The following UBXN1 variants were observed in gnomAD, a reference collection of about 807,000 sequenced individuals.
UBXN1 encodes UBX domain-containing protein 1.
A neutral mutation model predicts 42.0 loss-of-function variants in UBXN1; 21 were observed. The ratio of observed to expected loss-of-function variants is 0.50; its 90% CI spans 0.35 to 0.72. UBXN1 has a LOEUF of 0.72. UBXN1 is among the 30% of genes least tolerant of loss of function. The pLI, the probability that UBXN1 is intolerant of heterozygous loss-of-function variation, is 0.00. For synonymous variants in UBXN1, 172 were observed against 142.6 expected (o/e 1.21, Z -1.47); for missense variants, 374 against 382.2 (o/e 0.98, Z 0.18).
Position 62,676,610 on chromosome 11 carries a change from C to G in UBXN1, c.874G>C (p.Ala292Pro). 6.2e-7 allele frequency: 1 copy of G among 1,611,370 alleles called. No homozygotes were observed. The highest frequency in any genetic ancestry group is 8.5e-7 in the Non-Finnish European group (1 of 1,179,314). ...GGCCCTCAGCTGGGACATTTCTTGG[C>G]CACAATGAGAACAGCAGAAGGCACG... Reference protein sequence around the residue: ...GLVPSAVLIVAKKCPS With the variant: ...GLVPSAVLIVPKKCPS Residue 292 changes from alanine (A) to proline (P), a missense_variant, in exon 9 of 9, where the codon GCC becomes CCC. By Grantham distance (27) the Ala-to-Pro change is conservative. Transcript: ENST00000301935.
Position 62,677,590 on chromosome 11 carries a change from C to A in UBXN1, c.579G>T (p.Glu193Asp). 1 of 1,613,668 alleles carries A rather than the reference C, an allele frequency of 6.2e-7. No homozygotes were observed. Among genetic ancestry groups the A allele is most frequent in the Non-Finnish European group, 8.5e-7 (1 of 1,179,826 alleles). ...TGGGAGAAGAGGGAACAGGACCTGGCTCTGGTGCCACTGGGGGTGGCTGAG... is the reference window on the plus strand; with the variant it reads ...TGGGAGAAGAGGGAACAGGACCTGGATCTGGTGCCACTGGGGGTGGCTGAG... ...VGSQPPPVAP[E>D]PGPVPSSPSQ... The change falls in exon 7 of 9, where the codon GAG becomes GAT. Residue 193 changes from glutamate to aspartate, a missense_variant. Physicochemically the swap from Glu to Asp is conservative, Grantham distance 45 (BLOSUM62 2). Transcript: ENST00000301935.
At position 62,678,388 on chromosome 11, in the gene UBXN1, C is replaced by T; in HGVS notation, c.241G>A (p.Glu81Lys). The change falls in exon 4 of 9, where the codon GAA (glutamate) becomes AAA (lysine). Residue 81 changes from glutamate to lysine, a missense_variant. By Grantham distance (56) the Glu-to-Lys change is moderately conservative. Transcript: ENST00000301935. ...TCTTCACTCAAAGCGGGTTTGCCTT[C>T]TCCGGCAGCAGAACCAGATCCTACA... ...GLEGSGSAAG[E>K]GKPALSEEER... The T allele has an allele frequency of 6.2e-7, 1 of 1,614,152 alleles. No individual in the cohort carries two copies. Among genetic ancestry groups the T allele is most frequent in the Non-Finnish European group, 8.5e-7 (1 of 1,180,032 alleles).
At chr11:62,677,690 G>A in intron 6 of UBXN1, 56 bp from the exon 7 acceptor site, 1 of 1,612,556 alleles carries the variant, frequency 6.2e-7, no homozygotes, top group Non-Finnish European at 8.5e-7. Context: ...AGGTGAAACA[G>A]ATCATATAAG....
In UBXN1 at chr11:62,678,943, C is replaced by A. The variant is rs781195695; in HGVS notation, c.-20G>T. ...CGCCATGGCGCCGACACCGCGGCTT[C>A]CGCGGGGACCTGGTGTGTGACGAGA... On this transcript the variant is annotated 5_prime_UTR_variant, in exon 1 of 9. Transcript: ENST00000301935. The A allele has an allele frequency of 1.0e-4, 159 of 1,567,398 alleles. No individual in the cohort carries two copies. The highest frequency in any genetic ancestry group is 1.4e-4 in the Non-Finnish European group (158 of 1,160,462).
At position 62,679,061 on chromosome 11, in the gene UBXN1, C is replaced by T. The variant is rs1945097942; in HGVS notation, c.-138G>A. 5.3e-6 allele frequency: 5 copies of T among 935,258 alleles called. No individual in the cohort carries two copies. The highest frequency in any genetic ancestry group is 1.7e-5 in the South Asian group (1 of 59,488). 57.9% of individuals were successfully genotyped at this position (935,258 alleles called of 1,614,324 possible). A position where few individuals can be genotyped will look rare whatever the true frequency, so the allele number is the denominator to read the frequency against. On this transcript the variant is annotated 5_prime_UTR_variant, in exon 1 of 9. Transcript: ENST00000301935. ...CACCCGGCTCTATAGCAGCCGGGAA[C>T]ACCGACGAGAAGAAAGCCGAGGGGA...
chr11:62,676,724 AG>A, intron 8 of UBXN1, 85 bp from the exon 9 acceptor site: 1 of 1,614,072 alleles, frequency 6.2e-7, no homozygotes, highest in Non-Finnish European at 8.5e-7. Context: ...ATGTTCACAA[AG>A]CCCCTTCTCT....
intron 7 of UBXN1, 158 bp downstream of exon 7, chr11:62,677,360 T>G (rs926272612): frequency 1.4e-5 from 11 of 779,160 alleles, no homozygotes; most frequent in Admixed American, 4.5e-5. Context: ...AGGTGAAATT[T>G]GATACCTTTC....
chr11:62,677,194 T>A, intron 7 of UBXN1, 189 bp from the exon 8 acceptor site: 1 of 657,106 alleles, frequency 1.5e-6, no homozygotes, highest in Non-Finnish European at 2.6e-6. Context: ...CCCAGCTCCC[T>A]CACAACCTAA....
intron 7 of UBXN1, 48 bp from the exon 8 acceptor site, chr11:62,677,053 G>A (rs776086226): frequency 6.4e-7 from 1 of 1,563,050 alleles, no homozygotes; most frequent in South Asian, 1.1e-5. Flanking sequence ...AAAACTGAAT[G>A]AGGTGCCCAA....
rs1220595587 is a variant in UBXN1, at chr11:62,677,012, G to T, written c.652-7C>A. 7 of 1,605,868 alleles carry T rather than the reference G, an allele frequency of 4.4e-6. No homozygotes were observed. Among genetic ancestry groups the T allele is most frequent in the Non-Finnish European group, 4.2e-6 (5 of 1,178,942 alleles). On this transcript the variant is annotated splice_polypyrimidine_tract_variant and splice_region_variant and intron_variant, in intron 7 of 8. Transcript: ENST00000301935. ...TCCCATCTGGCAGCCTGACCTAAAG[G>T]GCAAGGGAGATACTCAGTATTGTGG...
In UBXN1 at chr11:62,677,762, C is replaced by T. The variant is rs201079442; in HGVS notation, c.534+19G>A. 5 of 1,614,216 alleles carry T rather than the reference C, an allele frequency of 3.1e-6. No individual in the cohort carries two copies. In the South Asian group the frequency reaches 3.3e-5, roughly 11 times the overall value. On this transcript the variant is annotated intron_variant, in intron 6 of 8. Coordinates refer to ENST00000301935, the MANE Select transcript of UBXN1 (RefSeq NM_001286077.2). ...AACCTGCCCACTCCATTACCCGTGG[C>T]GTCTTCTCAGTCACCTACCTTCTTG...
chr11:62,678,840 G>C, intron 1 of UBXN1, 25 bp downstream of exon 1: 1 of 1,608,518 alleles, frequency 6.2e-7, no homozygotes, highest in Non-Finnish European at 8.5e-7. Flanking sequence ...CACACCCGCA[G>C]GCCGGGGTTG....
Position 62,678,972 on chromosome 11 carries a change from A to G in UBXN1, c.-49T>C. On this transcript the variant is annotated 5_prime_UTR_variant, in exon 1 of 9. Coordinates refer to ENST00000301935, the MANE Select transcript of UBXN1 (RefSeq NM_001286077.2). ...GGGGACCTGGTGTGTGACGAGAAGG[A>G]GGGCGGGAAGGGTCAGCGCGAGGCA... is the stretch of plus-strand genomic sequence containing the variant. The G allele has an allele frequency of 1.9e-6, 3 of 1,538,694 alleles. No individual in the cohort carries two copies. Among genetic ancestry groups the G allele is most frequent in the Non-Finnish European group, 2.6e-6 (3 of 1,145,054 alleles).
intron 7 of UBXN1, 46 bp downstream of exon 7, chr11:62,677,472 C>G: frequency 1.3e-6 from 2 of 1,598,650 alleles, no homozygotes; most frequent in Non-Finnish European, 1.7e-6. Flanking sequence ...CACCTTAACA[C>G]GGAACAAAGG....
At chr11:62,677,432 C>G (rs554681130) in intron 7 of UBXN1, 86 bp downstream of exon 7, 1 of 1,301,618 alleles carries the variant, frequency 7.7e-7, no homozygotes, top group South Asian at 1.2e-5. Flanking sequence ...TGGCAAAGGG[C>G]ACGTTAACTG....
In UBXN1 at chr11:62,678,692, G is replaced by A. The variant is rs1265993618; in HGVS notation, c.111C>T (p.Asp37=). ...CGCCACCCGGGACGAGCGCTTACCAGTCCATCGCAGCCTCGATGCCCTGGT... is the reference window on the plus strand; with the variant it reads ...CGCCACCCGGGACGAGCGCTTACCAATCCATCGCAGCCTCGATGCCCTGGT... The part of the protein sequence containing the change: ...TGNQGIEAAM[D]WLMEHEDDPD... Residue 37 remains aspartate (D), a splice_region_variant and synonymous_variant, in exon 2 of 9, where the codon GAC becomes GAT. Coordinates refer to ENST00000301935, the MANE Select transcript of UBXN1 (RefSeq NM_001286077.2). The A allele has an allele frequency of 1.4e-6, 2 of 1,392,146 alleles. No individual in the cohort carries two copies. The highest frequency in any genetic ancestry group is 1.9e-6 in the Non-Finnish European group (2 of 1,041,556). The allele number at this position is 1,392,146 out of a possible 1,614,324, so 86.2% of individuals were successfully genotyped here. A position where few individuals can be genotyped will look rare whatever the true frequency, so the allele number is the denominator to read the frequency against.
In UBXN1 at chr11:62,677,522, A is replaced by G; in HGVS notation, c.647T>C (p.Ile216Thr). The G allele has an allele frequency of 6.2e-7, 1 of 1,614,136 alleles. No individual in the cohort carries two copies. Among genetic ancestry groups the G allele is most frequent in the Non-Finnish European group, 8.5e-7 (1 of 1,179,968 alleles). ...PTKREYDQCR[I>T]QVRLPDGTSL... is the part of the protein sequence containing the mutation. Reference sequence around the variant, plus strand: ...GATAAGAATTAGAATCAGTACCTGTATGCGACACTGGTCATACTCCCGCTT... The same window carrying G: ...GATAAGAATTAGAATCAGTACCTGTGTGCGACACTGGTCATACTCCCGCTT... The change falls in exon 7 of 9, where the codon ATA (isoleucine) becomes ACA (threonine). Residue 216 changes from isoleucine to threonine, a missense_variant. Coordinates refer to ENST00000301935, the MANE Select transcript of UBXN1 (RefSeq NM_001286077.2).
chr11:62,677,784 C>T lies in UBXN1; in HGVS notation c.531G>A (p.Lys177=), dbSNP rs1403312037. The T allele has an allele frequency of 2.5e-6, 4 of 1,614,246 alleles. No homozygotes were observed. The highest frequency in any genetic ancestry group is 3.4e-6 in the Non-Finnish European group (4 of 1,180,046). The change falls in exon 6 of 9, where the codon AAG becomes AAA. Residue 177 remains lysine, a synonymous_variant. Coordinates refer to ENST00000301935, the MANE Select transcript of UBXN1 (RefSeq NM_001286077.2). ...TGGCGTCTTCTCAGTCACCTACCTTCTTGGCTCTCTCTGCTTTGTCCCTCT... is the reference window on the plus strand; with the variant it reads ...TGGCGTCTTCTCAGTCACCTACCTTTTTGGCTCTCTCTGCTTTGTCCCTCT... ...KIERDKAERA[K]KYGGSVGSQP...
At chr11:62,677,426 A>T (rs964699824) in intron 7 of UBXN1, 92 bp downstream of exon 7, 1 of 1,263,338 alleles carries the variant, frequency 7.9e-7, no homozygotes, top group African/African-American at 1.5e-5. Flanking sequence ...GAGATTTGGC[A>T]AAGGGCACGT....
Sources: gnomAD v4.1 joint callset for allele counts on GRCh38, gnomAD v4.1.1 for gene constraint, MANE v1.5 for transcripts, NCBI Gene and HGNC (gene_info 2026-07-23, HGNC 2026-07-21) for gene names.